The following PDE1A variants were observed in gnomAD, a reference collection of about 807,000 sequenced individuals.
PDE1A encodes the protein dual specificity calcium/calmodulin-dependent 3',5'-cyclic nucleotide phosphodiesterase 1A.
In PDE1A, 35 loss-of-function variants were observed where a neutral mutation model predicts 61.7. That is an observed-to-expected ratio of 0.57 (90% CI 0.43 to 0.75). PDE1A has a LOEUF of 0.75. Ranked by LOEUF, PDE1A falls within the 30% of genes least tolerant of loss-of-function variation. The pLI is 0.00. For synonymous variants in PDE1A, 232 were observed against 213.2 expected (o/e 1.09, Z -0.77); for missense variants, 597 against 630.6 (o/e 0.95, Z 0.57).
intron 2 of PDE1A, among the ~76,000 whole-genome samples, chr2:182,477,275 T>C (rs1347781690): frequency 6.6e-6 from 1 of 151,924 alleles, no homozygotes; most frequent in Non-Finnish European, 1.5e-5. Flanking sequence ...AAATGTAGTC[T>C]GGTTAGCATG....
At chr2:182,397,160 A>G (rs1701752730) in intron 1 of PDE1A, among the ~76,000 whole-genome samples, 1 of 152,156 alleles carries the variant, frequency 6.6e-6, no homozygotes, top group Non-Finnish European at 1.5e-5. Context: ...CGATACATAC[A>G]GTATATTTTT....
At chr2:182,254,933 A>G (rs1449052982) in intron 2 of PDE1A, among the ~76,000 whole-genome samples, 1 of 151,950 alleles carries the variant, frequency 6.6e-6, no homozygotes, top group Non-Finnish European at 1.5e-5. Flanking sequence ...TGTATATTCA[A>G]CTCCCCTGGA....
the PDE1A span, among the ~76,000 whole-genome samples, chr2:182,574,716 G>C: frequency 1.3e-5 from 2 of 152,214 alleles, no homozygotes; most frequent in African/African-American, 4.8e-5. Flanking sequence ...TTTTGAGACA[G>C]AGTCTCACTC....
chr2:182,549,289 C>G, the PDE1A span, among the ~76,000 whole-genome samples: 4 of 151,564 alleles, frequency 2.6e-5, no homozygotes, highest in Admixed American at 2.0e-4. Context: ...ACTTGCAAAC[C>G]AGAATTACAT....
chr2:182,251,999 A>G, intron 2 of PDE1A, among the ~76,000 whole-genome samples: 1 of 152,118 alleles, frequency 6.6e-6, no homozygotes, highest in Middle Eastern at 3.2e-3. Flanking sequence ...TACACCCATG[A>G]GGCCAAAATA....
At chr2:182,545,448 T>C in the PDE1A span, among the ~76,000 whole-genome samples, 3 of 152,244 alleles carry the variant, frequency 2.0e-5, no homozygotes, top group Admixed American at 2.0e-4. Flanking sequence ...TGTAACAAAT[T>C]CTCTCTAATA....
chr2:182,572,165 T>G, the PDE1A span, among the ~76,000 whole-genome samples: 3 of 152,154 alleles, frequency 2.0e-5, no homozygotes, highest in Non-Finnish European at 4.4e-5. Context: ...AGAATGGAAG[T>G]CGGGAGAATG....
At chr2:182,583,340 T>C in the PDE1A span, among the ~76,000 whole-genome samples, 2 of 152,240 alleles carry the variant, frequency 1.3e-5, no homozygotes, top group Non-Finnish European at 2.9e-5. Flanking sequence ...AAAATTATTA[T>C]AAAGATATAG....
chr2:182,161,454 G>A (rs1691377177), intron 13 of PDE1A, among the ~76,000 whole-genome samples: 2 of 152,032 alleles, frequency 1.3e-5, no homozygotes, highest in East Asian at 1.9e-4. Flanking sequence ...TTGCCAAGGT[G>A]ACTGTCCTCT....
chr2:182,177,162 C>T, intron 13 of PDE1A, among the ~76,000 whole-genome samples: 1 of 151,664 alleles, frequency 6.6e-6, no homozygotes, highest in South Asian at 2.1e-4. Context: ...TTTGTTGTGT[C>T]TCTGCCTGGC....
Position 182,207,820 on chromosome 2 carries a change from G to A in PDE1A, c.777-1755C>T, listed in dbSNP as rs549763015. On this transcript the variant is annotated intron_variant, in intron 7 of 13. Transcript: ENST00000351439. Reference sequence around the variant, plus strand: ...CTATGGCCTCCACTGCTCTGTGCACGCATCCTGGACATTGTGCCCTGCATC... The same window carrying A: ...CTATGGCCTCCACTGCTCTGTGCACACATCCTGGACATTGTGCCCTGCATC... Among the ~76,000 whole-genome samples the A allele has an allele frequency of 9.2e-5, 14 of 152,282 alleles. No individual in the cohort carries two copies. The East Asian group carries it at 1.4e-3, about 15-fold the overall frequency.
intron 10 of PDE1A, among the ~76,000 whole-genome samples, chr2:182,190,017 C>T (rs966965024): frequency 2.6e-5 from 4 of 152,176 alleles, no homozygotes; most frequent in African/African-American, 9.7e-5. Context: ...TACGTAAGGA[C>T]TCCACGGTTT....
At chr2:182,234,310 G>T in intron 4 of PDE1A, 122 bp downstream of exon 4, 1 of 653,546 alleles carries the variant, frequency 1.5e-6, no homozygotes, top group Non-Finnish European at 2.7e-6. Context: ...AGGATATGTT[G>T]AATTTTTTAA....
intron 7 of PDE1A, among the ~76,000 whole-genome samples, chr2:182,206,894 C>T (rs1020557683): frequency 6.6e-6 from 1 of 152,134 alleles, no homozygotes; most frequent in Non-Finnish European, 1.5e-5. Flanking sequence ...TTCCTCTTCA[C>T]CCTACCATCA....
chr2:182,499,339 G>A (rs566303929), intron 2 of PDE1A, among the ~76,000 whole-genome samples: 40 of 152,038 alleles, frequency 2.6e-4, no homozygotes, highest in Admixed American at 1.3e-3. Flanking sequence ...ACTGTACTCC[G>A]CTAATTTTTT....
intron 7 of PDE1A, among the ~76,000 whole-genome samples, chr2:182,215,929 AT>A (rs1258043560): frequency 4.1e-5 from 5 of 120,978 alleles, no homozygotes; most frequent in African/African-American, 1.7e-4. Flanking sequence ...GGCTAGCATC[AT>A]TCTGATACCA....
chr2:182,435,847 T>C (rs1440304428), intron 2 of PDE1A, among the ~76,000 whole-genome samples: 1 of 152,112 alleles, frequency 6.6e-6, no homozygotes, highest in Non-Finnish European at 1.5e-5. Flanking sequence ...TTTTTAAGTC[T>C]GCTTAAGCTT....
the PDE1A span, among the ~76,000 whole-genome samples, chr2:182,542,755 G>A: frequency 6.6e-5 from 10 of 152,240 alleles, no homozygotes; most frequent in East Asian, 1.9e-4. Context: ...TCCAACTGGC[G>A]TATTAAAGCC....
intron 13 of PDE1A, among the ~76,000 whole-genome samples, chr2:182,181,529 CAA>C: frequency 6.6e-6 from 1 of 152,306 alleles, no homozygotes; most frequent in South Asian, 2.1e-4. Context: ...TCAAGAGGCG[CAA>C]AGTCAGGAAC....
Sources: gnomAD v4.1 joint callset for allele counts (sites outside exome capture counted in the v4.1 genomes callset) on GRCh38, gnomAD v4.1.1 for gene constraint, MANE v1.5 for transcripts, NCBI Gene and HGNC (gene_info 2026-07-23, HGNC 2026-07-21) for gene names.